The following SLC22A23 variants were observed in gnomAD, a reference collection of about 807,000 sequenced individuals.
SLC22A23 encodes the protein solute carrier family 22 member 23.
SLC22A23 carries 26 observed loss-of-function variants against 61.0 expected under a neutral mutation model. That is an observed-to-expected ratio of 0.43 (90% CI 0.31 to 0.59). SLC22A23 has a LOEUF of 0.59. Ranked by LOEUF, SLC22A23 falls within the 20% of genes least tolerant of loss-of-function variation. SLC22A23 has a pLI of 0.11. For synonymous variants in SLC22A23, 430 were observed against 413.9 expected (o/e 1.04, Z -0.47); for missense variants, 796 against 934.7 (o/e 0.85, Z 1.94).
At chr6:3,452,612 A>T (rs1310649293) in intron 1 of SLC22A23, among the ~76,000 whole-genome samples, 11 of 16,922 alleles carry the variant, frequency 6.5e-4, no homozygotes, top group South Asian at 6.2e-3. Context: ...AAAAAAAAAA[A>T]AAAAAAAAAA....
At chr6:3,366,835 A>G (rs1451562714) in intron 3 of SLC22A23, among the ~76,000 whole-genome samples, 2 of 152,150 alleles carry the variant, frequency 1.3e-5, no homozygotes, top group African/African-American at 2.4e-5. Flanking sequence ...GGTGGGTAAG[A>G]CCTAGTTCAA....
At chr6:3,357,318 T>C (rs1416606588) in intron 3 of SLC22A23, among the ~76,000 whole-genome samples, 1 of 152,236 alleles carries the variant, frequency 6.6e-6, no homozygotes, top group African/African-American at 2.4e-5. Flanking sequence ...TTGCTAATAA[T>C]TATCCAGACA....
intron 9 of SLC22A23, among the ~76,000 whole-genome samples, chr6:3,278,361 TGAA>T (rs35906109): frequency 0.12 from 18,343 of 152,082 alleles, 3,004 homozygotes; most frequent in African/African-American, 0.38. Context: ...CTTCTGGGCC[TGAA>T]GACGATATGG....
At chr6:3,409,998 G>C (rs1048285680) in intron 3 of SLC22A23, among the ~76,000 whole-genome samples, 190 bp downstream of exon 3, 15 of 152,198 alleles carry the variant, frequency 9.9e-5, no homozygotes, top group African/African-American at 1.9e-4. Context: ...CTGGAGATCA[G>C]GATTGAGTGA....
intron 3 of SLC22A23, among the ~76,000 whole-genome samples, chr6:3,352,568 G>C (rs1489643281): frequency 6.6e-6 from 1 of 152,160 alleles, no homozygotes; most frequent in Admixed American, 6.5e-5. Context: ...ATAACAAAAG[G>C]GAGAAAAGGC....
At chr6:3,281,379 C>T (rs1327028069) in intron 9 of SLC22A23, among the ~76,000 whole-genome samples, 2 of 152,242 alleles carry the variant, frequency 1.3e-5, no homozygotes, top group African/African-American at 4.8e-5. Context: ...AACTTGGCCT[C>T]TATCATCCTT....
intron 1 of SLC22A23, among the ~76,000 whole-genome samples, chr6:3,451,521 T>C (rs1440517749): frequency 6.6e-6 from 1 of 152,218 alleles, no homozygotes; most frequent in East Asian, 1.9e-4. Flanking sequence ...AGCGCAATAT[T>C]TGCAAGTCCA....
intron 3 of SLC22A23, among the ~76,000 whole-genome samples, chr6:3,367,779 A>G (rs1581762920): frequency 6.6e-6 from 1 of 152,212 alleles, no homozygotes; most frequent in East Asian, 1.9e-4. Flanking sequence ...ACATGAAATA[A>G]AAGAGGAACC....
intron 3 of SLC22A23, among the ~76,000 whole-genome samples, chr6:3,396,694 C>T (rs973594828): frequency 1.6e-4 from 25 of 152,208 alleles, no homozygotes; most frequent in African/African-American, 4.3e-4. Context: ...CCGGCATGCA[C>T]CAGCAGGCTG....
intron 9 of SLC22A23, among the ~76,000 whole-genome samples, chr6:3,281,060 G>A (rs1037827159): frequency 1.2e-4 from 18 of 152,182 alleles, no homozygotes; most frequent in African/African-American, 3.9e-4. Flanking sequence ...GGACCCCTCC[G>A]TGAGGGCAAA....
chr6:3,291,060 G>A (rs747520805), intron 5 of SLC22A23: 18 of 152,248 alleles, frequency 1.2e-4, no homozygotes, highest in African/African-American at 4.3e-4. Context: ...TAAAGGCTGG[G>A]GTTTGGTGAA....
intron 3 of SLC22A23, among the ~76,000 whole-genome samples, chr6:3,380,682 A>G (rs2127474209): frequency 6.6e-6 from 1 of 152,354 alleles, no homozygotes; most frequent in South Asian, 2.1e-4. Context: ...GGACGGGGAA[A>G]ACTGCAGTGA....
rs1221699951 is a variant in SLC22A23, at chr6:3,310,211, G to GGGAGCACCCTGTCTCCCACT, written c.1083-12013_1083-11994dup. On this transcript the variant is annotated intron_variant, in intron 4 of 9. Transcript: ENST00000406686. ...CTGAGTGTCAGCACGCAGTTCAAGC[G>GGGAGCACCCTGTCTCCCACT]GGAGCACCCTGTCTCCCACTGGAGC... Among the ~76,000 whole-genome samples the GGGAGCACCCTGTCTCCCACT allele has an allele frequency of 3.3e-4, 49 of 147,294 alleles. No individual in the cohort carries two copies. In the East Asian group the frequency reaches 6.3e-3, roughly 19 times the overall value.
At chr6:3,347,877 C>T (rs1764531610) in intron 3 of SLC22A23, among the ~76,000 whole-genome samples, 1 of 152,214 alleles carries the variant, frequency 6.6e-6, no homozygotes, top group African/African-American at 2.4e-5. Context: ...AGAGCCCTTC[C>T]TTCTACTGCT....
chr6:3,345,253 T>C (rs1764357067), intron 3 of SLC22A23, among the ~76,000 whole-genome samples: 2 of 152,154 alleles, frequency 1.3e-5, no homozygotes, highest in African/African-American at 4.8e-5. Flanking sequence ...GAAAGATACA[T>C]GTTGAGTTTT....
intron 3 of SLC22A23, among the ~76,000 whole-genome samples, chr6:3,353,651 G>A (rs1356885506): frequency 6.6e-6 from 1 of 152,136 alleles, no homozygotes; most frequent in East Asian, 1.9e-4. Context: ...GCCTTTCCAG[G>A]TAAAGGGCTG....
At chr6:3,310,429 C>CCCACTT (rs754682639) in intron 4 of SLC22A23, among the ~76,000 whole-genome samples, 14,359 of 140,854 alleles carry the variant, frequency 0.1, 1,261 homozygotes, top group East Asian at 0.21. Flanking sequence ...GTCTCCCACT[C>CCCACTT]GAGCACCCTG....
At chr6:3,444,854 G>A (rs1022329850) in intron 1 of SLC22A23, 6 of 985,468 alleles carry the variant, frequency 6.1e-6, no homozygotes, top group Admixed American at 6.1e-5. Flanking sequence ...GGGTGAAGGC[G>A]GCAGACACCT....
chr6:3,297,532 C>G lies in SLC22A23; in HGVS notation c.1210+559G>C, dbSNP rs1761216252. On this transcript the variant is annotated intron_variant, in intron 5 of 9. Transcript: ENST00000406686. This position sits in a 1 kb window ranked among gnomAD's most constrained non-coding sequence, Gnocchi z 4.3. ...CAGGAATCTGGATTTTAACAACCTC[C>G]TGGTGATACGTGGATCCCCAGGTTG... 6.6e-6 allele frequency among the ~76,000 whole-genome samples: 1 copy of G among 152,208 alleles called. No individual in the cohort carries two copies. The highest frequency in any genetic ancestry group is 2.1e-4 in the South Asian group (1 of 4,834).
Sources: gnomAD v4.1 joint callset for allele counts (sites outside exome capture counted in the v4.1 genomes callset) on GRCh38, gnomAD v4.1.1 for gene constraint, Gnocchi (gnomAD v3.1) non-coding constraint, MANE v1.5 for transcripts, NCBI Gene and HGNC (gene_info 2026-07-23, HGNC 2026-07-21) for gene names.